TBC1D22A: variants seen among roughly 807,000 people sequenced by gnomAD.
TBC1D22A encodes the protein putative GTPase activator.
TBC1D22A carries 38 observed loss-of-function variants against 60.2 expected under a neutral mutation model. That is an observed-to-expected ratio of 0.63 (90% confidence interval 0.49 to 0.83). TBC1D22A has a LOEUF of 0.83. Among genes scored for constraint, TBC1D22A ranks in the 40% least tolerant of loss-of-function variants. The pLI, the probability that TBC1D22A is intolerant of heterozygous loss-of-function variation, is 0.00. For missense variants in TBC1D22A, 628 were observed against 701.0 expected (o/e 0.90, Z 1.18); for synonymous variants, 302 against 281.7 (o/e 1.07, Z -0.72).
At chr22:46,879,819 CAT>C (rs1334703484) in intron 5 of TBC1D22A, among the ~76,000 whole-genome samples, 2 of 152,196 alleles carry the variant, frequency 1.3e-5, no homozygotes, top group Non-Finnish European at 1.5e-5. Context: ...GGGAAAGTCT[CAT>C]GTGAGTTATT....
chr22:46,904,137 A>ATCTATCTATCTATCTATCTATCTG (rs2069241876), intron 7 of TBC1D22A, among the ~76,000 whole-genome samples: 1 of 95,324 alleles, frequency 1.0e-5, no homozygotes, highest in African/African-American at 3.6e-5. Context: ...CTATCTATCT[A>ATCTATCTATCTATCTATCTATCTG]TCTATCTACC....
chr22:46,837,564 T>A (rs1368582252), intron 4 of TBC1D22A, among the ~76,000 whole-genome samples: 1 of 152,102 alleles, frequency 6.6e-6, no homozygotes, highest in Non-Finnish European at 1.5e-5. Flanking sequence ...CACACAATGG[T>A]GTGATACTAG....
At chr22:47,139,234 G>A (rs958175488) in intron 12 of TBC1D22A, among the ~76,000 whole-genome samples, 4 of 152,212 alleles carry the variant, frequency 2.6e-5, no homozygotes, top group Non-Finnish European at 5.9e-5. Context: ...CACTGAGGCC[G>A]CCAAAGACTG....
intron 11 of TBC1D22A, among the ~76,000 whole-genome samples, chr22:47,044,582 C>T (rs1398978549): frequency 6.6e-6 from 1 of 152,212 alleles, no homozygotes; most frequent in African/African-American, 2.4e-5. Flanking sequence ...GGTCTCCGTA[C>T]ATTGTACTTT....
intron 12 of TBC1D22A, among the ~76,000 whole-genome samples, chr22:47,148,492 G>C (rs189218292): frequency 6.6e-6 from 1 of 152,052 alleles, no homozygotes; most frequent in East Asian, 1.9e-4. Flanking sequence ...AATCGCTTGA[G>C]ACCCTGGAGT....
intron 8 of TBC1D22A, among the ~76,000 whole-genome samples, chr22:46,933,972 C>T (rs1285738057): frequency 1.3e-5 from 2 of 152,200 alleles, no homozygotes; most frequent in African/African-American, 2.4e-5. Context: ...GAAAGCTGGA[C>T]TCCCACTTTG....
chr22:47,000,355 T>C (rs1360347859), intron 10 of TBC1D22A, among the ~76,000 whole-genome samples: 1 of 152,010 alleles, frequency 6.6e-6, no homozygotes, highest in Non-Finnish European at 1.5e-5. Flanking sequence ...TGCATCACTC[T>C]TGTTTTCTTG....
intron 10 of TBC1D22A, among the ~76,000 whole-genome samples, chr22:47,014,506 G>A (rs2061848959): frequency 6.6e-6 from 1 of 152,180 alleles, no homozygotes. Flanking sequence ...CCGGGGGTAG[G>A]GGCAGCTCCC....
At chr22:47,130,580 G>C (rs945953640) in intron 12 of TBC1D22A, among the ~76,000 whole-genome samples, 5 of 152,318 alleles carry the variant, frequency 3.3e-5, no homozygotes, top group African/African-American at 1.2e-4. Context: ...TTGCTTCTGA[G>C]AGATTCGCTG....
chr22:47,094,820 C>T (rs1179148738), intron 11 of TBC1D22A, among the ~76,000 whole-genome samples: 1 of 152,128 alleles, frequency 6.6e-6, no homozygotes, highest in Non-Finnish European at 1.5e-5. Flanking sequence ...TTCCCCTGAT[C>T]AGCCCCCGAG....
intron 12 of TBC1D22A, among the ~76,000 whole-genome samples, chr22:47,123,394 G>A (rs1388180954): frequency 6.6e-6 from 1 of 152,230 alleles, no homozygotes; most frequent in Non-Finnish European, 1.5e-5. Context: ...CGGCTGGCAG[G>A]ATGTTTGTGC....
intron 4 of TBC1D22A, among the ~76,000 whole-genome samples, chr22:46,846,581 A>G (rs923808409): frequency 2.6e-5 from 4 of 152,240 alleles, no homozygotes; most frequent in Non-Finnish European, 5.9e-5. Context: ...ACACTTAAAA[A>G]ACAAAAAAAA....
At chr22:47,052,077 C>T (rs1034980757) in intron 11 of TBC1D22A, among the ~76,000 whole-genome samples, 1 of 152,146 alleles carries the variant, frequency 6.6e-6, no homozygotes, top group African/African-American at 2.4e-5. Flanking sequence ...CACTGGGCCT[C>T]CTGCCCCCAG....
At position 46,768,486 on chromosome 22, in the gene TBC1D22A, A is replaced by G. The variant is rs2083373577; in HGVS notation, c.62+5638A>G. 4.3e-4 allele frequency among the ~76,000 whole-genome samples: 6 copies of G among 14,026 alleles called. No homozygotes were observed. The Admixed American group carries it at 4.6e-3, about 11-fold the overall frequency. 9.2% of individuals were successfully genotyped at this position (14,026 alleles called of 152,430 possible). ...GGCAACAGAGCGAGACTCTGTCTCA[A>G]AAAAAAAAAAAAAAAAAAAAAAATA... On this transcript the variant is annotated intron_variant, in intron 1 of 12. Coordinates refer to ENST00000337137, the MANE Select transcript of TBC1D22A (RefSeq NM_014346.5).
intron 11 of TBC1D22A, among the ~76,000 whole-genome samples, chr22:47,088,609 G>A (rs1175114133): frequency 1.3e-5 from 2 of 150,548 alleles, no homozygotes; most frequent in Non-Finnish European, 3.0e-5. Context: ...TTTTTTTTTT[G>A]ACGGCAAGTT....
At chr22:47,045,811 T>C (rs2063012871) in intron 11 of TBC1D22A, among the ~76,000 whole-genome samples, 1 of 152,186 alleles carries the variant, frequency 6.6e-6, no homozygotes, top group Admixed American at 6.5e-5. Context: ...CCCAGGAAGC[T>C]GCTGCTGTAC....
At chr22:46,870,432 G>A (rs1269248635) in intron 4 of TBC1D22A, among the ~76,000 whole-genome samples, 1 of 152,194 alleles carries the variant, frequency 6.6e-6, no homozygotes, top group Non-Finnish European at 1.5e-5. Flanking sequence ...TGTTGTAGAA[G>A]AAATGCTATT....
intron 8 of TBC1D22A, among the ~76,000 whole-genome samples, chr22:46,931,854 A>G (rs1241560052): frequency 6.6e-6 from 1 of 152,198 alleles, no homozygotes; most frequent in Non-Finnish European, 1.5e-5. Context: ...CATGTTATGC[A>G]TAATTTTTAT....
chr22:46,925,780 A>C (rs2071014678), intron 8 of TBC1D22A, among the ~76,000 whole-genome samples: 1 of 152,242 alleles, frequency 6.6e-6, no homozygotes, highest in African/African-American at 2.4e-5. Flanking sequence ...AATCAGCAAG[A>C]AACTAGAAGA....
Sources: allele counts gnomAD v4.1 joint callset (sites outside exome capture counted in the v4.1 genomes callset), GRCh38; gene constraint gnomAD v4.1.1; transcripts MANE v1.5; gene names NCBI Gene and HGNC (gene_info 2026-07-23, HGNC 2026-07-21).